The following MAPK10 variants were observed in gnomAD, a reference collection of about 807,000 sequenced individuals.
The protein encoded by MAPK10 is JNK3 alpha protein kinase.
A neutral mutation model predicts 59.3 loss-of-function variants in MAPK10; 25 were observed. That is an observed-to-expected ratio of 0.42 (90% CI 0.31 to 0.59). The LOEUF is 0.59. Among genes scored for constraint, MAPK10 ranks in the 20% least tolerant of loss-of-function variants. MAPK10 has a pLI of 0.15. For missense variants in MAPK10, 351 were observed against 568.9 expected (o/e 0.62, Z 3.90); for synonymous variants, 190 against 200.5 (o/e 0.95, Z 0.44).
At chr4:86,196,987 G>A (rs139214076) in intron 2 of MAPK10, among the ~76,000 whole-genome samples, 74 of 152,314 alleles carry the variant, frequency 4.9e-4, no homozygotes, top group African/African-American at 1.6e-3. Context: ...TTGAAATCAT[G>A]TAGCATGATG....
intron 13 of MAPK10, among the ~76,000 whole-genome samples, chr4:86,019,146 T>C (rs185409536): frequency 6.6e-6 from 1 of 152,340 alleles, no homozygotes; most frequent in Non-Finnish European, 1.5e-5. Context: ...GATAATGATA[T>C]GCACCGATCT....
At chr4:86,555,604 A>G (rs1364101906) in intron 1 of MAPK10, among the ~76,000 whole-genome samples, 1 of 152,224 alleles carries the variant, frequency 6.6e-6, no homozygotes, top group Non-Finnish European at 1.5e-5. Flanking sequence ...ATTCTTGAGC[A>G]ACCAAATGCT....
At chr4:86,434,624 A>G (rs1050925677) in intron 1 of MAPK10, among the ~76,000 whole-genome samples, 1 of 152,234 alleles carries the variant, frequency 6.6e-6, no homozygotes, top group African/African-American at 2.4e-5. Flanking sequence ...AAAGGCTTGT[A>G]TCAAAAGGAC....
intron 1 of MAPK10, among the ~76,000 whole-genome samples, chr4:86,419,370 C>G (rs1290002518): frequency 6.6e-6 from 1 of 152,060 alleles, no homozygotes; most frequent in African/African-American, 2.4e-5. Context: ...ACCTTGCATA[C>G]ATATCTAACA....
chr4:86,209,876 T>C (rs1168774064), intron 2 of MAPK10, among the ~76,000 whole-genome samples: 1 of 152,116 alleles, frequency 6.6e-6, no homozygotes, highest in African/African-American at 2.4e-5. Flanking sequence ...CTTCAAATTA[T>C]ATTACAGAGC....
chr4:86,518,935 T>A (rs988134565), intron 1 of MAPK10, among the ~76,000 whole-genome samples: 1 of 152,192 alleles, frequency 6.6e-6, no homozygotes, highest in African/African-American at 2.4e-5. Flanking sequence ...GAGGGTTCCT[T>A]TTGGAGTTAG....
intron 2 of MAPK10, chr4:86,268,020 G>A (rs1314611535): frequency 1.3e-5 from 2 of 152,190 alleles, no homozygotes; most frequent in African/African-American, 4.8e-5. Flanking sequence ...AACACAGGAT[G>A]TGCTCAGGAA....
intron 3 of MAPK10, among the ~76,000 whole-genome samples, chr4:86,166,739 C>T (rs886995253): frequency 6.6e-6 from 1 of 152,178 alleles, no homozygotes; most frequent in African/African-American, 2.4e-5. Context: ...CAGTTGGTGT[C>T]ATGTGACTAT....
At chr4:86,025,990 T>G (rs919174402) in intron 13 of MAPK10, among the ~76,000 whole-genome samples, 1 of 152,320 alleles carries the variant, frequency 6.6e-6, no homozygotes, top group African/African-American at 2.4e-5. Context: ...GGGCCTGAGA[T>G]TTTTTAATAA....
At chr4:86,076,684 T>C (rs1246989182) in intron 9 of MAPK10, among the ~76,000 whole-genome samples, 1 of 152,210 alleles carries the variant, frequency 6.6e-6, no homozygotes, top group Non-Finnish European at 1.5e-5. Flanking sequence ...TTTATCAATA[T>C]TTTATATAGA....
intron 1 of MAPK10, among the ~76,000 whole-genome samples, chr4:86,422,358 A>G (rs1338269227): frequency 6.6e-6 from 1 of 152,218 alleles, no homozygotes; most frequent in Non-Finnish European, 1.5e-5. Flanking sequence ...AAGGAAGATA[A>G]AAAGAGAAGG....
intron 1 of MAPK10, among the ~76,000 whole-genome samples, chr4:86,571,693 A>C (rs960452277): frequency 2.0e-5 from 3 of 152,138 alleles, no homozygotes; most frequent in Non-Finnish European, 4.4e-5. Context: ...AAAAGACCTC[A>C]TACTAAAAAC....
At position 86,312,990 on chromosome 4, in the gene MAPK10, C is replaced by T. The variant is rs567581875; in HGVS notation, c.-7+41540G>A. 1.8e-4 allele frequency among the ~76,000 whole-genome samples: 27 copies of T among 152,006 alleles called. No individual in the cohort carries two copies. The Middle Eastern group carries it at 0.01, about 57-fold the overall frequency. On this transcript the variant is annotated intron_variant, in intron 2 of 13. Coordinates refer to ENST00000641462, the MANE Select transcript of MAPK10 (RefSeq NM_138982.4). ...TCGCAAGTATATACATATTTGTATG[C>T]CCTTGTAGATACATATGTAGGCATA...
intron 1 of MAPK10, among the ~76,000 whole-genome samples, chr4:86,565,032 C>T (rs1760960136): frequency 6.6e-6 from 1 of 152,132 alleles, no homozygotes; most frequent in Non-Finnish European, 1.5e-5. Context: ...CTTACATATA[C>T]CACTCCTGTT....
chr4:86,194,167 C>T, intron 3 of MAPK10, 169 bp downstream of exon 3: 1 of 609,058 alleles, frequency 1.6e-6, no homozygotes, highest in Admixed American at 3.0e-5. Context: ...TTGCTGGGAG[C>T]TGGAGACTGG....
At chr4:86,297,109 G>A (rs1564099217) in intron 2 of MAPK10, among the ~76,000 whole-genome samples, 1 of 152,100 alleles carries the variant, frequency 6.6e-6, no homozygotes, top group Non-Finnish European at 1.5e-5. Flanking sequence ...TGCTGGTCAG[G>A]ACCACCCTCT....
chr4:86,444,712 A>T (rs1466305667), intron 1 of MAPK10, among the ~76,000 whole-genome samples: 1 of 151,692 alleles, frequency 6.6e-6, no homozygotes, highest in Non-Finnish European at 1.5e-5. Context: ...ACTTAAACAA[A>T]TTTACAAGAA....
chr4:86,285,123 T>A (rs1353297893), intron 2 of MAPK10, among the ~76,000 whole-genome samples: 2 of 152,192 alleles, frequency 1.3e-5, no homozygotes, highest in Non-Finnish European at 2.9e-5. Context: ...TGGGAATAAA[T>A]GCAGTAGAGT....
chr4:86,576,998 A>T (rs1040492697), intron 1 of MAPK10, among the ~76,000 whole-genome samples: 1 of 152,138 alleles, frequency 6.6e-6, no homozygotes, highest in African/African-American at 2.4e-5. Flanking sequence ...TTCCAACATT[A>T]TATTTAGTAT....
Sources: allele counts gnomAD v4.1 joint callset (sites outside exome capture counted in the v4.1 genomes callset), GRCh38; gene constraint gnomAD v4.1.1; transcripts MANE v1.5; gene names NCBI Gene and HGNC (gene_info 2026-07-23, HGNC 2026-07-21).